Variants in SLC14A2 observed in about 807,000 individuals in gnomAD.
SLC14A2 encodes urea transporter 2.
SLC14A2 carries 91 observed loss-of-function variants against 104.6 expected under a neutral mutation model. The ratio of observed to expected loss-of-function variants is 0.87; its 90% CI spans 0.73 to 1.04. The LOEUF (loss-of-function observed/expected upper bound fraction) is 1.04, where lower values mean the gene tolerates loss of function less well. Among genes scored for constraint, SLC14A2 ranks in the 50% least tolerant of loss-of-function variants. The probability of loss-of-function intolerance (pLI) is 0.00; values close to 1 mark genes in which losing one functional copy is unlikely to be tolerated. For synonymous variants in SLC14A2, 476 were observed against 466.4 expected, an observed-to-expected ratio of 1.02 and a Z score of -0.27; for missense variants, 1,189 against 1,156.0, an observed-to-expected ratio of 1.03 and a Z score of -0.41.
intron 2 of SLC14A2, among the ~76,000 whole-genome samples, chr18:45,606,071 G>A (rs2044861815): frequency 6.6e-6 from 1 of 152,114 alleles, no homozygotes; most frequent in Non-Finnish European, 1.5e-5. Context: ...GCTGGAGGCG[G>A]GGAGGTGATG....
In SLC14A2 at chr18:45,666,972, T is replaced by C. The variant is rs753234809; in HGVS notation, c.1595T>C (p.Val532Ala). ...DTMEESSEIK[V>A]ETNISKTSWI... ...ATGGAGGAGAGCTCTGAGATAAAAG[T>C]GGAAACAAACATTTCCAAGACATCC... The change falls in exon 13 of 20, where the codon GTG becomes GCG. Residue 532 changes from valine (V) to alanine (A), a missense_variant. Coordinates refer to ENST00000255226, the MANE Select transcript of SLC14A2 (RefSeq NM_007163.4). 2 of 1,614,072 alleles carry C rather than the reference T, an allele frequency of 1.2e-6. No homozygotes were observed. The highest frequency in any genetic ancestry group is 2.2e-5 in the East Asian group (1 of 44,878).
At chr18:45,314,359 A>G (rs1033696681) in intron 1 of SLC14A2, among the ~76,000 whole-genome samples, 27 of 152,334 alleles carry the variant, frequency 1.8e-4, no homozygotes, top group African/African-American at 6.5e-4. Context: ...AATACTGAAG[A>G]TACAGAGATT....
At chr18:45,457,878 G>A (rs772301481) in intron 1 of SLC14A2, among the ~76,000 whole-genome samples, 3 of 152,070 alleles carry the variant, frequency 2.0e-5, no homozygotes, top group African/African-American at 7.2e-5. Flanking sequence ...GGGCTGGGGC[G>A]GTGGGAGGAG....
At chr18:45,650,801 A>G (rs4890563) in intron 10 of SLC14A2, among the ~76,000 whole-genome samples, 140,862 of 152,034 alleles carry the variant, frequency 0.93, 65,378 homozygotes, top group Middle Eastern at 0.96. Context: ...GTGCAATGGC[A>G]CGATCTCGGC....
chr18:45,362,009 C>T (rs1172332305), intron 1 of SLC14A2, among the ~76,000 whole-genome samples: 1 of 152,194 alleles, frequency 6.6e-6, no homozygotes, highest in East Asian at 1.9e-4. Context: ...TTATAATCCC[C>T]ATGTGTCAAG....
intron 1 of SLC14A2, among the ~76,000 whole-genome samples, chr18:45,400,018 C>A (rs1437122408): frequency 1.3e-5 from 2 of 152,140 alleles, no homozygotes; most frequent in African/African-American, 4.8e-5. Context: ...GAGCTTGTCA[C>A]TGGCAATTGT....
At chr18:45,457,530 A>G (rs1401590890) in intron 1 of SLC14A2, among the ~76,000 whole-genome samples, 2 of 152,258 alleles carry the variant, frequency 1.3e-5, no homozygotes, top group East Asian at 3.9e-4. Context: ...GCTTGCTTTG[A>G]ATTGCAGTTG....
intron 1 of SLC14A2, among the ~76,000 whole-genome samples, chr18:45,274,754 C>T (rs984485727): frequency 6.6e-6 from 1 of 152,226 alleles, no homozygotes; most frequent in African/African-American, 2.4e-5. Flanking sequence ...GAGTCTGGCC[C>T]ACTTAATTCT....
chr18:45,429,029 G>A (rs1245492258), intron 1 of SLC14A2, among the ~76,000 whole-genome samples: 1 of 152,206 alleles, frequency 6.6e-6, no homozygotes, highest in Non-Finnish European at 1.5e-5. Flanking sequence ...AAGACAGGAA[G>A]AGAGTAAAGG....
chr18:45,384,274 C>T (rs956630700), intron 1 of SLC14A2, among the ~76,000 whole-genome samples: 3 of 152,174 alleles, frequency 2.0e-5, no homozygotes, highest in Non-Finnish European at 2.9e-5. Context: ...GAACTGGGCT[C>T]ACCTCCCGCA....
intron 1 of SLC14A2, among the ~76,000 whole-genome samples, chr18:45,263,847 T>C (rs1190597183): frequency 5.3e-5 from 8 of 152,174 alleles, no homozygotes; most frequent in Non-Finnish European, 1.0e-4. Flanking sequence ...TGTATTTTCC[T>C]TACTACAGCT....
intron 2 of SLC14A2, among the ~76,000 whole-genome samples, chr18:45,576,212 T>G (rs1199685530): frequency 2.0e-5 from 3 of 151,330 alleles, no homozygotes; most frequent in Non-Finnish European, 4.4e-5. Context: ...CACTTCCTGC[T>G]TGGAAACACC....
chr18:45,672,853 G>C (rs1423968408), intron 16 of SLC14A2, 47 bp from the exon 17 acceptor site: 2 of 1,564,998 alleles, frequency 1.3e-6, no homozygotes, highest in Non-Finnish European at 1.7e-6. Context: ...AGGTCAAGTT[G>C]TCTCTTTTGC....
At chr18:45,601,733 T>C (rs942824878) in intron 2 of SLC14A2, among the ~76,000 whole-genome samples, 5 of 152,246 alleles carry the variant, frequency 3.3e-5, no homozygotes, top group African/African-American at 1.2e-4. Context: ...AATCAATTGA[T>C]CAGACTGGCC....
chr18:45,379,038 G>A (rs969905998), intron 1 of SLC14A2, among the ~76,000 whole-genome samples: 1 of 152,188 alleles, frequency 6.6e-6, no homozygotes, highest in African/African-American at 2.4e-5. Context: ...ACTGAATCTT[G>A]TTAATCCTCG....
At chr18:45,609,856 T>C (rs1022730747) in intron 2 of SLC14A2, among the ~76,000 whole-genome samples, 6 of 152,210 alleles carry the variant, frequency 3.9e-5, no homozygotes, top group Non-Finnish European at 8.8e-5. Context: ...GAAGCAGTGA[T>C]TTAAATTCCA....
At chr18:45,639,420 C>T (rs1442621685) in intron 6 of SLC14A2, among the ~76,000 whole-genome samples, 2 of 152,178 alleles carry the variant, frequency 1.3e-5, no homozygotes, top group Non-Finnish European at 2.9e-5. Context: ...CCCCGAGAGC[C>T]CTGAAACTCC....
chr18:45,444,970 T>G (rs1446023147), intron 1 of SLC14A2, among the ~76,000 whole-genome samples: 1 of 152,190 alleles, frequency 6.6e-6, no homozygotes, highest in Admixed American at 6.5e-5. Context: ...CCAAGTAATG[T>G]GCTTCGAAAA....
chr18:45,547,831 A>G (rs1421115752), intron 2 of SLC14A2, among the ~76,000 whole-genome samples: 1 of 152,188 alleles, frequency 6.6e-6, no homozygotes, highest in Non-Finnish European at 1.5e-5. Flanking sequence ...ATAGAAAGAG[A>G]CTTTGGAGAA....
Sources: allele counts gnomAD v4.1 joint callset (sites outside exome capture counted in the v4.1 genomes callset), GRCh38; gene constraint gnomAD v4.1.1; transcripts MANE v1.5; gene names NCBI Gene and HGNC (gene_info 2026-07-23, HGNC 2026-07-21).